C8orf34: variants seen among roughly 807,000 people sequenced by gnomAD.
C8orf34 encodes the protein chromosome 8 open reading frame 34.
Under a neutral mutation model 68.3 loss-of-function variants are expected in C8orf34, and 65 were observed. The observed-to-expected ratio is 0.95, with a 90% CI of 0.78 to 1.17. C8orf34 has a LOEUF of 1.17. C8orf34 is among the 50% of genes most tolerant of loss of function. The pLI is 0.00. For synonymous variants in C8orf34, 244 were observed against 241.2 expected (o/e 1.01, Z -0.11); for missense variants, 664 against 655.4 (o/e 1.01, Z -0.14).
chr8:68,532,824 G>T (rs1363966949), intron 6 of C8orf34, among the ~76,000 whole-genome samples, 159 bp from the exon 7 acceptor site: 2 of 152,120 alleles, frequency 1.3e-5, no homozygotes, highest in Admixed American at 1.3e-4. Context: ...TCCTTAGTGA[G>T]GTACGGATGG....
intron 1 of C8orf34, among the ~76,000 whole-genome samples, chr8:68,348,921 G>A (rs1443353432): frequency 6.6e-6 from 1 of 151,958 alleles, no homozygotes; most frequent in African/African-American, 2.4e-5. Flanking sequence ...AAGAGACAGA[G>A]TGTGACTTCC....
intron 7 of C8orf34, among the ~76,000 whole-genome samples, chr8:68,603,375 G>A (rs894104090): frequency 6.6e-6 from 1 of 151,996 alleles, no homozygotes; most frequent in Admixed American, 6.6e-5. Flanking sequence ...AGAAATAAAT[G>A]AGATGCTCCT....
intron 8 of C8orf34, among the ~76,000 whole-genome samples, chr8:68,654,686 C>G (rs1021164877): frequency 6.6e-6 from 1 of 151,974 alleles, no homozygotes. Flanking sequence ...TGAAAGCTTC[C>G]TATTCTTCCA....
At chr8:68,470,746 C>T (rs1268186926) in intron 4 of C8orf34, among the ~76,000 whole-genome samples, 1 of 152,048 alleles carries the variant, frequency 6.6e-6, no homozygotes, top group East Asian at 1.9e-4. Context: ...TAGCTGTGTC[C>T]TCACATGGTG....
chr8:68,630,552 G>A (rs1818660620), intron 7 of C8orf34, among the ~76,000 whole-genome samples: 1 of 151,974 alleles, frequency 6.6e-6, no homozygotes, highest in African/African-American at 2.4e-5. Flanking sequence ...TAATTTTATA[G>A]TCTTAAGTAC....
chr8:68,383,644 G>A lies in C8orf34; in HGVS notation c.327+52305G>A, dbSNP rs367601855. On this transcript the variant is annotated intron_variant, in intron 1 of 13. Coordinates refer to ENST00000518698, the MANE Select transcript of C8orf34 (RefSeq NM_052958.4). ...GTTATCACATCCTAATTTGTGCTTC[G>A]AGCTGTACAGTGTGCAATAGTGCAC... Among the ~76,000 whole-genome samples the A allele has an allele frequency of 1.4e-4, 22 of 152,228 alleles. No individual in the cohort carries two copies. The East Asian group carries it at 2.1e-3, about 15-fold the overall frequency.
intron 10 of C8orf34, among the ~76,000 whole-genome samples, chr8:68,731,875 G>C (rs182638427): frequency 2.0e-4 from 31 of 152,340 alleles, no homozygotes; most frequent in Non-Finnish European, 3.5e-4. Flanking sequence ...TTCCCAAATA[G>C]TTTGTCCCAG....
At chr8:68,788,308 A>G (rs1823900155) in intron 12 of C8orf34, among the ~76,000 whole-genome samples, 1 of 152,234 alleles carries the variant, frequency 6.6e-6, no homozygotes, top group Non-Finnish European at 1.5e-5. Context: ...AGGTAGCATT[A>G]TAATCATGAA....
intron 7 of C8orf34, among the ~76,000 whole-genome samples, chr8:68,555,566 C>T (rs968300126): frequency 5.9e-5 from 9 of 152,188 alleles, no homozygotes; most frequent in Non-Finnish European, 8.8e-5. Flanking sequence ...CTTCTATCTC[C>T]ATCATTCCAG....
At chr8:68,809,549 G>A (rs1413644152) in intron 12 of C8orf34, among the ~76,000 whole-genome samples, 3 of 152,162 alleles carry the variant, frequency 2.0e-5, no homozygotes, top group African/African-American at 7.2e-5. Context: ...GCTGAGGCAA[G>A]AGCCCAGGAG....
chr8:68,409,019 C>T (rs751670094), intron 1 of C8orf34, among the ~76,000 whole-genome samples: 1 of 152,004 alleles, frequency 6.6e-6, no homozygotes, highest in Non-Finnish European at 1.5e-5. Context: ...GAACTCCTGA[C>T]CTCATGATAC....
intron 7 of C8orf34, chr8:68,533,994 A>C (rs1464134746): frequency 1.2e-5 from 11 of 917,070 alleles, no homozygotes; most frequent in Non-Finnish European, 1.4e-5. Context: ...TGAAAGCCTT[A>C]AACACGTTTT....
intron 8 of C8orf34, among the ~76,000 whole-genome samples, chr8:68,655,362 T>C (rs542028273): frequency 6.6e-6 from 1 of 152,304 alleles, no homozygotes; most frequent in East Asian, 1.9e-4. Context: ...GTATAAAATA[T>C]TAACTTTTTC....
intron 3 of C8orf34, among the ~76,000 whole-genome samples, chr8:68,463,328 C>T (rs1265823129): frequency 2.6e-5 from 4 of 151,980 alleles, no homozygotes; most frequent in Non-Finnish European, 5.9e-5. Flanking sequence ...GAGTCCAGGA[C>T]CAGATGGATT....
chr8:68,768,201 A>AT (rs1411179581), intron 10 of C8orf34, among the ~76,000 whole-genome samples: 3 of 152,294 alleles, frequency 2.0e-5, no homozygotes, highest in African/African-American at 7.2e-5. Context: ...TTTATGAGTC[A>AT]TTTTGCAATG....
intron 1 of C8orf34, among the ~76,000 whole-genome samples, chr8:68,414,444 A>G (rs1809575805): frequency 6.6e-6 from 1 of 152,188 alleles, no homozygotes; most frequent in Non-Finnish European, 1.5e-5. Context: ...GTTGAGAACA[A>G]TTTTTAGTTA....
intron 10 of C8orf34, among the ~76,000 whole-genome samples, chr8:68,775,688 A>AT (rs1823495638): frequency 6.6e-6 from 1 of 152,174 alleles, no homozygotes; most frequent in Non-Finnish European, 1.5e-5. Flanking sequence ...AGAATATAGA[A>AT]TTTGCGACTT....
chr8:68,331,107 C>G lies in C8orf34; in HGVS notation c.95C>G (p.Ala32Gly). Residue 32 changes from alanine to glycine, a missense_variant, in exon 1 of 14, where the codon GCT becomes GGT. Physicochemically the swap from Ala to Gly is moderately conservative, Grantham distance 60. Transcript: ENST00000518698. ...CCCCACGCGCGCGTGGCTCCCCGGGCTGCCACCCACGCCCGCGGCCGGGGC... is the reference window on the plus strand; with the variant it reads ...CCCCACGCGCGCGTGGCTCCCCGGGGTGCCACCCACGCCCGCGGCCGGGGC... ...SAPHARVAPR[A>G]ATHARGRGRA... The G allele has an allele frequency of 1.3e-6, 2 of 1,499,082 alleles. No individual in the cohort carries two copies. Among genetic ancestry groups the G allele is most frequent in the South Asian group, 2.5e-5 (2 of 78,920 alleles). 92.9% of individuals were successfully genotyped at this position (1,499,082 alleles called of 1,614,324 possible). A position where few individuals can be genotyped will look rare whatever the true frequency, so the allele number is the denominator to read the frequency against.
chr8:68,356,551 T>C (rs1806755823), intron 1 of C8orf34, among the ~76,000 whole-genome samples: 1 of 152,164 alleles, frequency 6.6e-6, no homozygotes, highest in Non-Finnish European at 1.5e-5. Context: ...AAGCAAGAAA[T>C]TCATATTTAA....
Sources: gnomAD v4.1 joint callset for allele counts (sites outside exome capture counted in the v4.1 genomes callset) on GRCh38, gnomAD v4.1.1 for gene constraint, MANE v1.5 for transcripts, NCBI Gene and HGNC (gene_info 2026-07-23, HGNC 2026-07-21) for gene names.